The following SCOC variants were observed in gnomAD, a reference collection of about 807,000 sequenced individuals.
The protein encoded by SCOC is short coiled coil protein.
SCOC carries 7 observed loss-of-function variants against 9.9 expected under a neutral mutation model. The ratio of observed to expected loss-of-function variants is 0.71; its 90% CI spans 0.40 to 1.33. The LOEUF is 1.33. Among genes scored for constraint, SCOC ranks in the 40% most tolerant of loss-of-function variants. SCOC has a pLI of 0.01. For synonymous variants in SCOC, 19 were observed against 28.2 expected, an observed-to-expected ratio of 0.67 and a Z score of 1.03; for missense variants, 66 against 89.7, an observed-to-expected ratio of 0.74 and a Z score of 1.07.
chr4:140,297,111 C>G (rs1731663757), intron 1 of SCOC, among the ~76,000 whole-genome samples: 2 of 152,172 alleles, frequency 1.3e-5, no homozygotes, highest in Non-Finnish European at 1.5e-5. Flanking sequence ...TTAGCAGCAC[C>G]ATTTCTCCCA....
chr4:140,352,708 CTAAT>C (rs1434185000), intron 2 of SCOC, among the ~76,000 whole-genome samples: 1 of 152,134 alleles, frequency 6.6e-6, no homozygotes, highest in African/African-American at 2.4e-5. Context: ...AGAGTGTTCT[CTAAT>C]TTTCTCAGCA....
intron 1 of SCOC, among the ~76,000 whole-genome samples, chr4:140,308,828 G>C (rs1732068894): frequency 6.6e-6 from 1 of 152,170 alleles, no homozygotes; most frequent in Non-Finnish European, 1.5e-5. Flanking sequence ...GTGGAGAAGG[G>C]GCATGCAGAA....
At chr4:140,264,544 A>T (rs1244121798) in intron 1 of SCOC, among the ~76,000 whole-genome samples, 2 of 152,192 alleles carry the variant, frequency 1.3e-5, no homozygotes, top group Admixed American at 1.3e-4. Context: ...CACTTGAGAG[A>T]ATGGTTTCGA....
At chr4:140,313,984 C>G (rs1171828449) in intron 1 of SCOC, among the ~76,000 whole-genome samples, 1 of 151,924 alleles carries the variant, frequency 6.6e-6, no homozygotes, top group Non-Finnish European at 1.5e-5. Context: ...AAAAAATTAG[C>G]CGGGTGTGGT....
chr4:140,305,205 T>C (rs1312848802), intron 1 of SCOC, among the ~76,000 whole-genome samples: 2 of 152,188 alleles, frequency 1.3e-5, no homozygotes, highest in Admixed American at 6.5e-5. Context: ...CTGGGGATGT[T>C]CTGTGAGAGA....
At position 140,287,488 on chromosome 4, in the gene SCOC, A is replaced by G. The variant is rs533305420; in HGVS notation, c.-19+30078A>G. Among the ~76,000 whole-genome samples the G allele has an allele frequency of 2.9e-4, 44 of 152,084 alleles. No homozygotes were observed. The East Asian group carries it at 5.4e-3, about 19-fold the overall frequency. ...CACACACATCATGTGCACATGCCAC[A>G]TAGACCATGCACATACATCTACCAT... On this transcript the variant is annotated intron_variant, in intron 1 of 4. Transcript: ENST00000394205.
intron 1 of SCOC, among the ~76,000 whole-genome samples, chr4:140,262,438 C>T (rs546291133): frequency 1.1e-4 from 17 of 152,168 alleles, no homozygotes; most frequent in Non-Finnish European, 2.4e-4. Flanking sequence ...GACCTCCTAT[C>T]TTTGGCACAT....
intron 1 of SCOC, among the ~76,000 whole-genome samples, chr4:140,297,370 C>T (rs552132222): frequency 1.3e-5 from 2 of 152,176 alleles, no homozygotes; most frequent in Admixed American, 1.3e-4. Context: ...GGGCGGCCAC[C>T]TCGAGGAGAA....
upstream of SCOC, among the ~76,000 whole-genome samples, chr4:140,341,004 G>A (rs1167721676): frequency 1.3e-5 from 2 of 151,394 alleles, no homozygotes; most frequent in Non-Finnish European, 2.9e-5. Context: ...CACCATGCTG[G>A]CCAGGCTGGT....
In SCOC at chr4:140,385,632, T is replaced by G. The variant is rs576219207; in HGVS notation, c.*4528T>G. 1.5e-4 allele frequency: 23 copies of G among 152,338 alleles called. No individual in the cohort carries two copies. Among genetic ancestry groups the G allele is most frequent in the African/African-American group, 5.5e-4 (23 of 41,582 alleles). 9.4% of individuals were successfully genotyped at this position (152,338 alleles called of 1,614,324 possible). On this transcript the variant is annotated 3_prime_UTR_variant, in exon 4 of 4. Transcript: ENST00000608372. ...AATATGGTAGTTGAATTATAAAATC[T>G]AAAATTAATTTTGTGGTCCAAAGAA...
intron 1 of SCOC, among the ~76,000 whole-genome samples, chr4:140,320,869 A>G (rs993764971): frequency 6.6e-6 from 1 of 152,212 alleles, no homozygotes; most frequent in Non-Finnish European, 1.5e-5. Context: ...GGCCAGCACT[A>G]CAGCTGGAAA....
intron 1 of SCOC, among the ~76,000 whole-genome samples, chr4:140,330,322 A>T (rs1010615058): frequency 6.6e-6 from 1 of 152,222 alleles, no homozygotes; most frequent in Non-Finnish European, 1.5e-5. Context: ...GGTACAGTGT[A>T]CACGGCTGGG....
At chr4:140,323,470 T>C (rs574464010) in intron 1 of SCOC, among the ~76,000 whole-genome samples, 3 of 152,240 alleles carry the variant, frequency 2.0e-5, no homozygotes, top group African/African-American at 7.2e-5. Flanking sequence ...GATAAAGTCA[T>C]AAATTTGATA....
intron 1 of SCOC, among the ~76,000 whole-genome samples, chr4:140,303,049 C>A (rs1051674207): frequency 6.6e-6 from 1 of 152,170 alleles, no homozygotes; most frequent in Non-Finnish European, 1.5e-5. Flanking sequence ...AGAGGCTGTG[C>A]CACACATGCT....
At chr4:140,324,954 G>C (rs1391571453) in intron 1 of SCOC, among the ~76,000 whole-genome samples, 2 of 151,964 alleles carry the variant, frequency 1.3e-5, no homozygotes, top group Non-Finnish European at 2.9e-5. Flanking sequence ...TACTAATCAA[G>C]ACAGTATTGA....
At chr4:140,292,034 T>C (rs1370829511) in intron 1 of SCOC, among the ~76,000 whole-genome samples, 1 of 152,094 alleles carries the variant, frequency 6.6e-6, no homozygotes, top group Non-Finnish European at 1.5e-5. Context: ...GACTGTTTAT[T>C]GGAACGACCA....
chr4:140,331,125 T>G (rs1279281563), intron 1 of SCOC, among the ~76,000 whole-genome samples: 1 of 151,542 alleles, frequency 6.6e-6, no homozygotes, highest in South Asian at 2.1e-4. Flanking sequence ...CTTGGAAGAG[T>G]TTTTAATCTT....
chr4:140,355,224 T>TGAG (rs1553940406), intron 2 of SCOC, among the ~76,000 whole-genome samples: 1 of 80,218 alleles, frequency 1.2e-5, no homozygotes, highest in South Asian at 3.5e-4. Flanking sequence ...TATATATATA[T>TGAG]ATATATATAT....
At chr4:140,334,115 C>T (rs1035432861) in intron 1 of SCOC, among the ~76,000 whole-genome samples, 3 of 152,114 alleles carry the variant, frequency 2.0e-5, no homozygotes, top group Non-Finnish European at 4.4e-5. Flanking sequence ...GATAGTGTCT[C>T]ACTATGTTTC....
Sources: allele counts gnomAD v4.1 joint callset (sites outside exome capture counted in the v4.1 genomes callset), GRCh38; gene constraint gnomAD v4.1.1; transcripts MANE v1.5; gene names NCBI Gene and HGNC (gene_info 2026-07-23, HGNC 2026-07-21).